Variants in SCG5 observed in about 807,000 individuals in gnomAD.
SCG5 encodes the protein secretogranin V.
A neutral mutation model predicts 25.7 loss-of-function variants in SCG5; 18 were observed. The ratio of observed to expected loss-of-function variants is 0.70; its 90% confidence interval spans 0.48 to 1.04. The LOEUF (loss-of-function observed/expected upper bound fraction) is 1.04. Ranked by LOEUF, SCG5 falls within the 50% of genes least tolerant of loss-of-function variation. The pLI, the probability that SCG5 is intolerant of heterozygous loss-of-function variation, is 0.00. For synonymous variants in SCG5, 101 were observed against 91.7 expected (o/e 1.10, Z -0.58); for missense variants, 206 against 259.8 (o/e 0.79, Z 1.42).
chr15:32,684,532 C>T, intron 3 of SCG5, 25 bp from the exon 4 acceptor site: 1 of 1,468,942 alleles, frequency 6.8e-7, no homozygotes, highest in East Asian at 2.3e-5. Flanking sequence ...TTGGCCGTTC[C>T]TCAAAAACCT....
chr15:32,673,772 C>T (rs557027150), intron 2 of SCG5, among the ~76,000 whole-genome samples: 2 of 152,144 alleles, frequency 1.3e-5, no homozygotes, highest in South Asian at 2.1e-4. Flanking sequence ...CTCACTTTGC[C>T]GCCCAGGCTG....
At chr15:32,657,979 T>A (rs935455252) in intron 2 of SCG5, among the ~76,000 whole-genome samples, 10 of 152,184 alleles carry the variant, frequency 6.6e-5, no homozygotes, top group Non-Finnish European at 1.3e-4. Flanking sequence ...AGACTGCTTT[T>A]CCCCTTACTT....
At chr15:32,683,926 A>G (rs1362670346) in intron 3 of SCG5, among the ~76,000 whole-genome samples, 1 of 152,242 alleles carries the variant, frequency 6.6e-6, no homozygotes, top group Non-Finnish European at 1.5e-5. Flanking sequence ...CAACAGAAGT[A>G]TGTTACCTAA....
intron 5 of SCG5, among the ~76,000 whole-genome samples, chr15:32,693,812 A>G (rs1263190366): frequency 6.6e-6 from 1 of 152,168 alleles, no homozygotes; most frequent in Admixed American, 6.5e-5. Context: ...TCAGAGCACA[A>G]TTAAAGCCAA....
intron 2 of SCG5, among the ~76,000 whole-genome samples, chr15:32,664,369 AT>A (rs1263887676): frequency 6.6e-6 from 1 of 151,904 alleles, no homozygotes; most frequent in Non-Finnish European, 1.5e-5. Flanking sequence ...ATCACCTTTC[AT>A]TTTCAGAAAT....
intron 2 of SCG5, among the ~76,000 whole-genome samples, chr15:32,654,328 A>G (rs766179072): frequency 1.3e-5 from 2 of 152,222 alleles, no homozygotes; most frequent in Non-Finnish European, 2.9e-5. Flanking sequence ...TTGTATTCAC[A>G]TGGCAGAAGA....
chr15:32,673,322 C>T (rs1239892462), intron 2 of SCG5, among the ~76,000 whole-genome samples: 1 of 152,152 alleles, frequency 6.6e-6, no homozygotes, highest in Non-Finnish European at 1.5e-5. Context: ...AAAGCAAGAT[C>T]ACCTAGGCAC....
intron 4 of SCG5, among the ~76,000 whole-genome samples, chr15:32,690,254 T>C (rs1438279322): frequency 6.6e-6 from 1 of 152,218 alleles, no homozygotes; most frequent in Non-Finnish European, 1.5e-5. Context: ...CCCATGGTAG[T>C]AGCTCTCAGG....
chr15:32,675,733 G>A (rs566478348), intron 2 of SCG5, among the ~76,000 whole-genome samples: 25 of 152,264 alleles, frequency 1.6e-4, no homozygotes, highest in Admixed American at 2.0e-4. Flanking sequence ...ACACACTGCC[G>A]TATCCTGGTT....
At chr15:32,645,956 T>TGGAC (rs1259964327) in intron 2 of SCG5, among the ~76,000 whole-genome samples, 7 of 152,224 alleles carry the variant, frequency 4.6e-5, no homozygotes, top group Admixed American at 4.6e-4. Context: ...GAGTAGCTGT[T>TGGAC]TACAGGCGCC....
chr15:32,680,491 C>G (rs2054601406), intron 3 of SCG5, among the ~76,000 whole-genome samples: 1 of 151,922 alleles, frequency 6.6e-6, no homozygotes, highest in Admixed American at 6.6e-5. Context: ...AGCCACTGCG[C>G]CCGGCCTGCA....
At chr15:32,647,577 G>A (rs1216364219) in intron 2 of SCG5, among the ~76,000 whole-genome samples, 2 of 151,762 alleles carry the variant, frequency 1.3e-5, no homozygotes, top group African/African-American at 4.8e-5. Flanking sequence ...GCCTTTCACA[G>A]CAACCTTTCA....
intron 4 of SCG5, among the ~76,000 whole-genome samples, chr15:32,688,844 A>T (rs113108920): frequency 0.061 from 9,341 of 152,004 alleles, 319 homozygotes; most frequent in Non-Finnish European, 0.071. Flanking sequence ...CTGTAGTCCC[A>T]GCTACTTGGG....
intron 3 of SCG5, among the ~76,000 whole-genome samples, chr15:32,682,416 A>C (rs1476722893): frequency 1.3e-5 from 2 of 152,184 alleles, no homozygotes; most frequent in Non-Finnish European, 2.9e-5. Context: ...CTATGGAAGG[A>C]AGACATAGGC....
At chr15:32,670,561 G>A (rs543353728) in intron 2 of SCG5, among the ~76,000 whole-genome samples, 8 of 152,352 alleles carry the variant, frequency 5.3e-5, no homozygotes, top group African/African-American at 1.9e-4. Flanking sequence ...TGTTACTAGG[G>A]AGGAGAGCTG....
intron 3 of SCG5, among the ~76,000 whole-genome samples, chr15:32,681,402 G>A (rs2140574857): frequency 6.6e-6 from 1 of 152,128 alleles, no homozygotes; most frequent in South Asian, 2.1e-4. Context: ...ATTAAGGACT[G>A]TGTACTCAAC....
intron 2 of SCG5, among the ~76,000 whole-genome samples, chr15:32,662,314 G>A (rs186144682): frequency 6.6e-4 from 101 of 152,280 alleles, no homozygotes; most frequent in African/African-American, 2.4e-3. Flanking sequence ...GGACTTATAT[G>A]GCTGTGCTTT....
chr15:32,685,383 G>A (rs1595817301), intron 4 of SCG5, among the ~76,000 whole-genome samples: 2 of 152,308 alleles, frequency 1.3e-5, no homozygotes, highest in East Asian at 3.8e-4. Context: ...CTTTTGCAAA[G>A]CATTTGACAA....
rs1237928605 is a variant in SCG5, at chr15:32,696,864, T to A, written c.*255T>A. 1 of 344,358 alleles carries A rather than the reference T, an allele frequency of 2.9e-6. No individual in the cohort carries two copies. Among genetic ancestry groups the A allele is most frequent in the African/African-American group, 2.1e-5 (1 of 47,758 alleles). The allele number at this position is 344,358 out of a possible 1,614,324, so 21.3% of individuals were successfully genotyped here. ...ATGATCATAAAAATTAAAATGTGAATGTCAACAATAAAAAGCAAGACTATG... is the reference window on the plus strand; with the variant it reads ...ATGATCATAAAAATTAAAATGTGAAAGTCAACAATAAAAAGCAAGACTATG... On this transcript the variant is annotated 3_prime_UTR_variant, in exon 6 of 6. Transcript: ENST00000300175.
Sources: allele counts gnomAD v4.1 joint callset (sites outside exome capture counted in the v4.1 genomes callset), GRCh38; gene constraint gnomAD v4.1.1; transcripts MANE v1.5; gene names NCBI Gene and HGNC (gene_info 2026-07-23, HGNC 2026-07-21).